LYRM4: variants seen among roughly 807,000 people sequenced by gnomAD.
The protein encoded by LYRM4 is LYR motif-containing protein 4.
A neutral mutation model predicts 11.7 loss-of-function variants in LYRM4; 9 were observed. The ratio of observed to expected loss-of-function variants is 0.77; its 90% confidence interval spans 0.46 to 1.34. The LOEUF (loss-of-function observed/expected upper bound fraction) is 1.34. LYRM4 is among the 40% of genes most tolerant of loss of function. LYRM4 has a pLI of 0.00. For synonymous variants in LYRM4, 42 were observed against 40.4 expected, an observed-to-expected ratio of 1.04 and a Z score of -0.15; for missense variants, 133 against 112.5, an observed-to-expected ratio of 1.18 and a Z score of -0.82.
At chr6:5,259,082 C>T (rs1764814957) in intron 1 of LYRM4, among the ~76,000 whole-genome samples, 1 of 136,534 alleles carries the variant, frequency 7.3e-6, no homozygotes, top group African/African-American at 3.2e-5. Context: ...AGAGACTTGT[C>T]CAAGTTAGTC....
chr6:5,186,198 C>G (rs1190764818), intron 2 of LYRM4, among the ~76,000 whole-genome samples: 1 of 152,026 alleles, frequency 6.6e-6, no homozygotes, highest in African/African-American at 2.4e-5. Flanking sequence ...AGAAGCATGA[C>G]TTGAAAGCCC....
chr6:5,142,666 G>A, intron 2 of LYRM4, among the ~76,000 whole-genome samples: 1 of 152,146 alleles, frequency 6.6e-6, no homozygotes, highest in East Asian at 1.9e-4. Context: ...ACTGTTTACA[G>A]GTAAAGGCCA....
chr6:5,113,533 C>A (rs1258429008), intron 2 of LYRM4: 3 of 279,848 alleles, frequency 1.1e-5, no homozygotes, highest in African/African-American at 2.3e-5. Flanking sequence ...GGGACCCACC[C>A]TTGCAAGTTC....
the LYRM4 span, among the ~76,000 whole-genome samples, chr6:5,056,006 T>C: frequency 2.6e-5 from 4 of 151,694 alleles, no homozygotes; most frequent in Admixed American, 1.3e-4. Context: ...TCTTTCTCTT[T>C]CTTTTTATTA....
At chr6:5,037,956 C>A in the LYRM4 span, among the ~76,000 whole-genome samples, 1 of 59,562 alleles carries the variant, frequency 1.7e-5, no homozygotes, top group African/African-American at 4.5e-5. Flanking sequence ...CCGCCCCCCA[C>A]CTCCCTCCCG....
chr6:5,216,723 C>T lies in LYRM4; in HGVS notation c.102G>A (p.Arg34=). ...SAYNYRTYAV[R]RIRDAFRENK... is the part of the protein sequence containing the mutation. ...TTTCTCTGAAGGCATCTCTTATCCT[C>T]CTGACAGCATATGTTCTAAATGAAT... is the stretch of plus-strand genomic sequence containing the variant. Residue 34 remains arginine (R), a synonymous_variant, in exon 2 of 3, where the codon AGG becomes AGA. Transcript: ENST00000330636. 6.2e-7 allele frequency: 1 copy of T among 1,613,202 alleles called. No homozygotes were observed. The highest frequency in any genetic ancestry group is 1.3e-5 in the African/African-American group (1 of 75,010).
At chr6:5,036,461 G>A in the LYRM4 span, among the ~76,000 whole-genome samples, 1 of 152,154 alleles carries the variant, frequency 6.6e-6, no homozygotes, top group South Asian at 2.1e-4. Context: ...AGCTGCCTCC[G>A]CTGAGCTGGC....
intron 1 of LYRM4, among the ~76,000 whole-genome samples, chr6:5,259,393 G>A (rs1040101440): frequency 6.6e-6 from 1 of 152,214 alleles, no homozygotes; most frequent in African/African-American, 2.4e-5. Flanking sequence ...CAAAGTCAAA[G>A]TCATTAAGTA....
intron 2 of LYRM4, among the ~76,000 whole-genome samples, chr6:5,123,047 G>A (rs183102518): frequency 2.4e-4 from 36 of 152,274 alleles, no homozygotes; most frequent in Admixed American, 3.3e-4. Context: ...TGGGGTCATC[G>A]GTATACCAAC....
At chr6:5,079,516 T>A in the LYRM4 span, among the ~76,000 whole-genome samples, 1 of 152,352 alleles carries the variant, frequency 6.6e-6, no homozygotes, top group East Asian at 1.9e-4. Flanking sequence ...TGGGGTCACG[T>A]GTTCTGATCC....
At chr6:5,066,057 G>A in the LYRM4 span, 25 of 393,328 alleles carry the variant, frequency 6.4e-5, no homozygotes, top group South Asian at 7.7e-5. Flanking sequence ...TTAAGTTCTC[G>A]GTAAATAAAT....
chr6:5,253,508 A>G (rs1041290230), intron 1 of LYRM4, among the ~76,000 whole-genome samples: 2 of 152,136 alleles, frequency 1.3e-5, no homozygotes, highest in Non-Finnish European at 2.9e-5. Flanking sequence ...AAATTTCAGC[A>G]ATTTTCTTAT....
intron 2 of LYRM4, among the ~76,000 whole-genome samples, chr6:5,113,853 C>T (rs968755829): frequency 2.0e-5 from 3 of 152,140 alleles, no homozygotes; most frequent in Non-Finnish European, 4.4e-5. Context: ...AGGCATGTGC[C>T]GCCATGCCTG....
chr6:5,190,145 AG>A (rs2127689844), intron 2 of LYRM4, among the ~76,000 whole-genome samples: 2 of 152,308 alleles, frequency 1.3e-5, no homozygotes, highest in African/African-American at 4.8e-5. Context: ...GGAATAATAA[AG>A]TATTATGCTA....
At chr6:5,046,570 G>T in the LYRM4 span, among the ~76,000 whole-genome samples, 2 of 152,148 alleles carry the variant, frequency 1.3e-5, no homozygotes, top group African/African-American at 4.8e-5. Context: ...GCTTCAGCTG[G>T]GACAGCTGGG....
chr6:5,228,874 G>A (rs1227656462), intron 1 of LYRM4, among the ~76,000 whole-genome samples: 1 of 150,876 alleles, frequency 6.6e-6, no homozygotes, highest in Non-Finnish European at 1.5e-5. Context: ...CGTGGTGGCG[G>A]GCACCTGTAG....
At chr6:5,080,767 G>C in the LYRM4 span, among the ~76,000 whole-genome samples, 2 of 152,140 alleles carry the variant, frequency 1.3e-5, no homozygotes. Flanking sequence ...TATCTAGGAA[G>C]GGTCCAGGAC....
At chr6:5,225,540 A>G (rs185339964) in intron 1 of LYRM4, among the ~76,000 whole-genome samples, 29 of 152,340 alleles carry the variant, frequency 1.9e-4, no homozygotes, top group Non-Finnish European at 3.7e-4. Flanking sequence ...ATACAAATAA[A>G]GGTGATTTAG....
At chr6:5,084,954 C>G in the LYRM4 span, 318 of 153,818 alleles carry the variant, frequency 2.1e-3, 2 homozygotes, top group Non-Finnish European at 2.0e-3. Flanking sequence ...GCTCAGTGAC[C>G]CTCTGGGGGC....
Sources: allele counts gnomAD v4.1 joint callset (sites outside exome capture counted in the v4.1 genomes callset), GRCh38; gene constraint gnomAD v4.1.1; transcripts MANE v1.5; gene names NCBI Gene and HGNC (gene_info 2026-07-23, HGNC 2026-07-21).